SNTB2: variants seen among roughly 807,000 people sequenced by gnomAD.
The protein encoded by SNTB2 is beta-2-syntrophin.
In SNTB2, 34 loss-of-function variants were observed where a neutral mutation model predicts 46.2. The ratio of observed to expected loss-of-function variants is 0.74; its 90% confidence interval spans 0.56 to 0.98. SNTB2 has a LOEUF of 0.98. SNTB2 is among the 50% of genes least tolerant of loss of function. The probability of loss-of-function intolerance (pLI) is 0.00; values close to 1 mark genes in which losing one functional copy is unlikely to be tolerated. For synonymous variants in SNTB2, 290 were observed against 312.6 expected (o/e 0.93, Z 0.76); for missense variants, 603 against 731.4 (o/e 0.82, Z 2.02).
chr16:69,276,802 A>G (rs1473125313), intron 4 of SNTB2, among the ~76,000 whole-genome samples: 2 of 152,218 alleles, frequency 1.3e-5, no homozygotes, highest in Non-Finnish European at 2.9e-5. Flanking sequence ...GCATGAATCA[A>G]GGCAGTTGGC....
intron 1 of SNTB2, among the ~76,000 whole-genome samples, chr16:69,222,365 G>T (rs1964413648): frequency 6.6e-6 from 1 of 152,126 alleles, no homozygotes; most frequent in African/African-American, 2.4e-5. Context: ...GGCCAAGGTG[G>T]GTAGATCATC....
chr16:69,299,851 C>G, intron 6 of SNTB2, 77 bp downstream of exon 6: 1 of 1,430,274 alleles, frequency 7.0e-7, no homozygotes, highest in Non-Finnish European at 9.6e-7. Flanking sequence ...CCCTTATATA[C>G]AAAGTCATGG....
At chr16:69,298,210 G>T (rs1965245756) in intron 5 of SNTB2, among the ~76,000 whole-genome samples, 1 of 152,162 alleles carries the variant, frequency 6.6e-6, no homozygotes, top group Non-Finnish European at 1.5e-5. Flanking sequence ...CTCCCAGAGT[G>T]CTGGGATTGT....
Position 69,245,500 on chromosome 16 carries a change from C to T in SNTB2, c.581-102C>T, listed in dbSNP as rs796437322. The T allele has an allele frequency of 1.3e-5, 16 of 1,196,124 alleles. No homozygotes were observed. In the African/African-American group the frequency reaches 1.8e-4, roughly 13 times the overall value. 74.1% of individuals were successfully genotyped at this position (1,196,124 alleles called of 1,614,324 possible). On this transcript the variant is annotated intron_variant, in intron 1 of 6. Coordinates refer to ENST00000336278, the MANE Select transcript of SNTB2 (RefSeq NM_006750.4). The stretch of plus-strand genomic sequence containing the variant: ...GTGAGCCACCGCGCCCAGCTCTTTC[C>T]TCCACTTTGTTATAGATATAGCATG...
chr16:69,194,017 A>G (rs979286127), intron 1 of SNTB2, among the ~76,000 whole-genome samples: 16 of 152,316 alleles, frequency 1.1e-4, no homozygotes, highest in South Asian at 6.2e-4. Flanking sequence ...TAGAGGTTTA[A>G]CTTTATTTGT....
intron 1 of SNTB2, among the ~76,000 whole-genome samples, chr16:69,218,131 T>C (rs549594014): frequency 6.6e-6 from 1 of 152,330 alleles, no homozygotes; most frequent in African/African-American, 2.4e-5. Flanking sequence ...ATCTTTCTTC[T>C]TTCCTAGAAT....
chr16:69,208,682 C>A (rs1321943726), intron 1 of SNTB2, among the ~76,000 whole-genome samples: 1 of 151,824 alleles, frequency 6.6e-6, no homozygotes, highest in African/African-American at 2.4e-5. Flanking sequence ...TTTAACAAAA[C>A]CTTGCTTATT....
intron 3 of SNTB2, among the ~76,000 whole-genome samples, chr16:69,264,948 C>T (rs922895035): frequency 2.0e-5 from 3 of 152,122 alleles, no homozygotes; most frequent in East Asian, 1.9e-4. Context: ...TAAGTGATTA[C>T]GATTAAAATT....
At chr16:69,214,313 TA>T (rs1407015564) in intron 1 of SNTB2, among the ~76,000 whole-genome samples, 3 of 149,866 alleles carry the variant, frequency 2.0e-5, no homozygotes, top group Admixed American at 6.7e-5. Context: ...TTGTATTTTG[TA>T]TTTTGTATTT....
At chr16:69,222,548 A>G (rs1964416096) in intron 1 of SNTB2, among the ~76,000 whole-genome samples, 1 of 151,388 alleles carries the variant, frequency 6.6e-6, no homozygotes, top group Non-Finnish European at 1.5e-5. Context: ...AGCTGAGATC[A>G]TGCCACTGCA....
At chr16:69,245,922 G>T in intron 2 of SNTB2, 107 bp downstream of exon 2, 1 of 1,147,944 alleles carries the variant, frequency 8.7e-7, no homozygotes, top group Non-Finnish European at 1.3e-6. Flanking sequence ...GAAAACATCT[G>T]TCTGAGGTGA....
At chr16:69,294,372 T>C (rs80328144) in intron 5 of SNTB2, among the ~76,000 whole-genome samples, 1 of 152,014 alleles carries the variant, frequency 6.6e-6, no homozygotes, top group Non-Finnish European at 1.5e-5. Context: ...AAAAAAAAAT[T>C]GTTTTTTGAC....
At chr16:69,269,338 G>A (rs1964916094) in intron 3 of SNTB2, among the ~76,000 whole-genome samples, 1 of 151,476 alleles carries the variant, frequency 6.6e-6, no homozygotes. Context: ...CCAACATGGT[G>A]AAACCCCATC....
At chr16:69,228,867 C>T (rs1401927885) in intron 1 of SNTB2, among the ~76,000 whole-genome samples, 1 of 152,146 alleles carries the variant, frequency 6.6e-6, no homozygotes, top group Non-Finnish European at 1.5e-5. Flanking sequence ...AACTGAGGCT[C>T]AGAGGTAATC....
At position 69,244,989 on chromosome 16, in the gene SNTB2, T is replaced by C. The variant is rs181254476; in HGVS notation, c.581-613T>C. Among the ~76,000 whole-genome samples the C allele has an allele frequency of 2.3e-3, 356 of 152,244 alleles. 1 individual carries two copies. Among genetic ancestry groups the C allele is most frequent in the Non-Finnish European group, 4.0e-3 (269 of 68,020 alleles). On this transcript the variant is annotated intron_variant, in intron 1 of 6. Transcript: ENST00000336278. ...ATGGGGAGGAGAGAGAAGAGAAAAA[T>C]CTGTCTTCAGATAATTACAGAGTTC...
intron 3 of SNTB2, among the ~76,000 whole-genome samples, chr16:69,266,044 T>G (rs1964880755): frequency 6.6e-6 from 1 of 151,998 alleles, no homozygotes; most frequent in South Asian, 2.1e-4. Flanking sequence ...AGCATTTGAC[T>G]TCACTGAAAG....
chr16:69,235,873 C>G (rs1339132678), intron 1 of SNTB2: 2 of 1,286,912 alleles, frequency 1.6e-6, no homozygotes, highest in Non-Finnish European at 2.0e-6. Flanking sequence ...TACAACTGTT[C>G]TTGGAGTTGT....
chr16:69,290,775 C>T (rs1207955319), intron 5 of SNTB2, among the ~76,000 whole-genome samples: 1 of 152,152 alleles, frequency 6.6e-6, no homozygotes, highest in African/African-American at 2.4e-5. Flanking sequence ...ACACACAACT[C>T]TCTGGGGCAG....
chr16:69,300,398 G>A (rs12926819), intron 6 of SNTB2, among the ~76,000 whole-genome samples: 26,185 of 151,962 alleles, frequency 0.17, 2,433 homozygotes, highest in Middle Eastern at 0.25. Context: ...TTACATGCAC[G>A]TGCCACCATG....
Sources: allele counts gnomAD v4.1 joint callset (sites outside exome capture counted in the v4.1 genomes callset), GRCh38; gene constraint gnomAD v4.1.1; transcripts MANE v1.5; gene names NCBI Gene and HGNC (gene_info 2026-07-23, HGNC 2026-07-21).